LRRIQ1: variants seen among roughly 807,000 people sequenced by gnomAD.
LRRIQ1 encodes the protein leucine-rich repeat- and IQ domain-containing protein 1.
LRRIQ1 carries 210 observed loss-of-function variants against 211.9 expected under a neutral mutation model. The observed-to-expected ratio is 0.99, with a 90% confidence interval of 0.89 to 1.11. LRRIQ1 has a LOEUF of 1.11. Ranked by LOEUF, LRRIQ1 falls within the 50% of genes most tolerant of loss-of-function variation. The pLI is 0.00. For missense variants in LRRIQ1, 2,136 were observed against 1,939.5 expected (o/e 1.10, Z -1.90); for synonymous variants, 699 against 650.1 (o/e 1.08, Z -1.14).
chr12:85,151,134 T>G (rs1222353380), intron 19 of LRRIQ1, among the ~76,000 whole-genome samples: 2 of 149,346 alleles, frequency 1.3e-5, no homozygotes, highest in African/African-American at 5.0e-5. Flanking sequence ...ATAACTATGA[T>G]ATATATATAT....
At chr12:85,045,827 C>A (rs1879475359) in intron 4 of LRRIQ1, among the ~76,000 whole-genome samples, 193 bp from the exon 5 acceptor site, 5 of 151,890 alleles carry the variant, frequency 3.3e-5, no homozygotes, top group Admixed American at 3.3e-4. Flanking sequence ...GTTACTAATG[C>A]TTGCATGGGA....
At chr12:85,161,559 T>A (rs1337937565) in intron 24 of LRRIQ1, among the ~76,000 whole-genome samples, 1 of 152,128 alleles carries the variant, frequency 6.6e-6, no homozygotes, top group Non-Finnish European at 1.5e-5. Flanking sequence ...CTATAAGATT[T>A]AAATAAATCT....
chr12:85,206,876 C>T (rs1037740261), intron 24 of LRRIQ1, among the ~76,000 whole-genome samples: 31 of 152,108 alleles, frequency 2.0e-4, no homozygotes, highest in Non-Finnish European at 4.4e-4. Context: ...TTGCTCTGCT[C>T]TGTTCAGGTC....
At chr12:85,089,000 G>T (rs927755080) in intron 11 of LRRIQ1, among the ~76,000 whole-genome samples, 1 of 152,162 alleles carries the variant, frequency 6.6e-6, no homozygotes, top group East Asian at 1.9e-4. Flanking sequence ...GGTGAGAGAG[G>T]ACATCCTTGT....
chr12:85,127,152 C>T (rs939474361), intron 17 of LRRIQ1, among the ~76,000 whole-genome samples: 2 of 152,214 alleles, frequency 1.3e-5, no homozygotes, highest in Non-Finnish European at 2.9e-5. Flanking sequence ...ACTAAACACA[C>T]TGACAATCCA....
At chr12:85,144,449 A>C (rs1889753685) in intron 19 of LRRIQ1, among the ~76,000 whole-genome samples, 1 of 151,648 alleles carries the variant, frequency 6.6e-6, no homozygotes, top group Admixed American at 6.6e-5. Context: ...ATAGTGTTTA[A>C]TTGGTTGATC....
At chr12:85,107,685 C>T (rs1886877333) in intron 15 of LRRIQ1, among the ~76,000 whole-genome samples, 1 of 151,764 alleles carries the variant, frequency 6.6e-6, no homozygotes, top group Admixed American at 6.6e-5. Context: ...TTGAATTATC[C>T]CAGGAGTTGC....
rs111622935 is a variant in LRRIQ1 at position 85,078,486 on chromosome 12, T to C, written c.2887+5388T>C. On this transcript the variant is annotated intron_variant, in intron 11 of 26. Coordinates refer to ENST00000393217, the MANE Select transcript of LRRIQ1 (RefSeq NM_001079910.2). ...ATATTTTTGTTATGCCACCTGCCTGTTGATTAAGTGTGGTACTGATAATAT... is the reference window on the plus strand; with the variant it reads ...ATATTTTTGTTATGCCACCTGCCTGCTGATTAAGTGTGGTACTGATAATAT... Among the ~76,000 whole-genome samples, 888 of 152,270 alleles carry C rather than the reference T, an allele frequency of 5.8e-3. 10 individuals are homozygous for C. The highest frequency in any genetic ancestry group is 0.01 in the Non-Finnish European group (696 of 68,012).
intron 18 of LRRIQ1, among the ~76,000 whole-genome samples, chr12:85,135,558 A>G (rs1170683356): frequency 6.6e-6 from 1 of 151,992 alleles, no homozygotes; most frequent in Non-Finnish European, 1.5e-5. Flanking sequence ...TACAGTTCAA[A>G]TTAGAAAGGC....
chr12:85,224,549 C>T (rs527578913), intron 24 of LRRIQ1, among the ~76,000 whole-genome samples: 1 of 152,056 alleles, frequency 6.6e-6, no homozygotes, highest in Non-Finnish European at 1.5e-5. Context: ...GAATACTATG[C>T]AGCCATCAAA....
intron 18 of LRRIQ1, among the ~76,000 whole-genome samples, chr12:85,132,281 C>T (rs1427035230): frequency 6.6e-6 from 1 of 151,854 alleles, no homozygotes; most frequent in Non-Finnish European, 1.5e-5. Context: ...ATATGATGAC[C>T]TCAGGAAAAA....
At chr12:85,251,215 A>G (rs1242697983) in intron 1 of LRRIQ1, among the ~76,000 whole-genome samples, 1 of 150,868 alleles carries the variant, frequency 6.6e-6, no homozygotes, top group African/African-American at 2.4e-5. Context: ...TTTGAGAGAA[A>G]TTGAGGAAAA....
At chr12:85,055,502 C>T in intron 7 of LRRIQ1, 45 bp from the exon 8 acceptor site, 1 of 1,331,182 alleles carries the variant, frequency 7.5e-7, no homozygotes, top group Non-Finnish European at 9.8e-7. Context: ...AGTAACATCT[C>T]ATGTTTAGTT....
intron 24 of LRRIQ1, among the ~76,000 whole-genome samples, chr12:85,178,456 A>G (rs1891823370): frequency 6.6e-6 from 1 of 151,838 alleles, no homozygotes; most frequent in African/African-American, 2.4e-5. Context: ...TTTTTTCAAA[A>G]CTCACTTTTG....
chr12:85,177,768 T>G lies in LRRIQ1; in HGVS notation c.4822+17054T>G, dbSNP rs117801396. Among the ~76,000 whole-genome samples, 243 of 152,212 alleles carry G rather than the reference T, an allele frequency of 1.6e-3. 3 individuals carry two copies. Among genetic ancestry groups the G allele is most frequent in the Non-Finnish European group, 3.0e-3 (202 of 67,996 alleles). On this transcript the variant is annotated intron_variant, in intron 24 of 26. Coordinates refer to ENST00000393217, the MANE Select transcript of LRRIQ1 (RefSeq NM_001079910.2). ...GTCAGATTTGTTTTCCAAGTAACAATTATGGAACATATGGTGTGAAGGATT... is the reference window on the plus strand; with the variant it reads ...GTCAGATTTGTTTTCCAAGTAACAAGTATGGAACATATGGTGTGAAGGATT...
chr12:85,130,355 T>G (rs570421448), intron 18 of LRRIQ1, among the ~76,000 whole-genome samples: 119 of 152,316 alleles, frequency 7.8e-4, no homozygotes, highest in African/African-American at 2.7e-3. Context: ...ACCTAAGGAA[T>G]GTAGACACCA....
At chr12:85,122,164 C>T (rs1453214660) in intron 16 of LRRIQ1, among the ~76,000 whole-genome samples, 1 of 152,074 alleles carries the variant, frequency 6.6e-6, no homozygotes, top group African/African-American at 2.4e-5. Context: ...ATTATTCAGT[C>T]ATAATTTTAT....
chr12:85,218,201 A>C (rs990976687), intron 24 of LRRIQ1, among the ~76,000 whole-genome samples: 3 of 151,972 alleles, frequency 2.0e-5, no homozygotes, highest in Non-Finnish European at 4.4e-5. Flanking sequence ...TATGGGTTAC[A>C]TATTTAGAAT....
intron 24 of LRRIQ1, among the ~76,000 whole-genome samples, chr12:85,213,349 T>C (rs1893929984): frequency 6.6e-6 from 1 of 151,824 alleles, no homozygotes; most frequent in Admixed American, 6.6e-5. Context: ...AGGCAAAAAT[T>C]AAAGAATACT....
Sources: gnomAD v4.1 joint callset for allele counts (sites outside exome capture counted in the v4.1 genomes callset) on GRCh38, gnomAD v4.1.1 for gene constraint, MANE v1.5 for transcripts, NCBI Gene and HGNC (gene_info 2026-07-23, HGNC 2026-07-21) for gene names.